Variants in ZNF782 observed in about 807,000 individuals in gnomAD.
ZNF782 encodes zinc finger protein 782.
A neutral mutation model predicts 13.0 loss-of-function variants in ZNF782; 12 were observed. The ratio of observed to expected loss-of-function variants is 0.92; its 90% CI spans 0.59 to 1.50. The LOEUF (loss-of-function observed/expected upper bound fraction) is 1.50. ZNF782 is among the 40% of genes most tolerant of loss of function. ZNF782 has a pLI of 0.00. For missense variants in ZNF782, 770 were observed against 822.9 expected (o/e 0.94, Z 0.79); for synonymous variants, 284 against 283.0 (o/e 1.00, Z -0.04).
At chr9:96,911,679 C>G in the ZNF782 span, among the ~76,000 whole-genome samples, 1 of 151,386 alleles carries the variant, frequency 6.6e-6, no homozygotes, top group Non-Finnish European at 1.5e-5. Flanking sequence ...CGCCACTACA[C>G]CCGGCTAATT....
At chr9:96,848,470 G>C (rs976862831) in intron 3 of ZNF782, among the ~76,000 whole-genome samples, 1 of 152,010 alleles carries the variant, frequency 6.6e-6, no homozygotes, top group Admixed American at 6.6e-5. Context: ...AAAGTCTCAG[G>C]GTACAAAATC....
At chr9:96,827,046 G>C in intron 5 of ZNF782, 34 bp downstream of exon 5, 2 of 1,458,636 alleles carry the variant, frequency 1.4e-6, no homozygotes, top group Non-Finnish European at 1.9e-6. Context: ...TAGTGAATCA[G>C]AGAACCTTCT....
At chr9:96,902,829 G>A in the ZNF782 span, 1 of 139,970 alleles carries the variant, frequency 7.1e-6, no homozygotes, top group Non-Finnish European at 1.5e-5. Flanking sequence ...TTTTGAAACA[G>A]GGTCTCACTG....
At chr9:96,885,240 C>G in the ZNF782 span, among the ~76,000 whole-genome samples, 2 of 151,574 alleles carry the variant, frequency 1.3e-5, 1 homozygote, top group East Asian at 3.9e-4. Flanking sequence ...CTTCAACAAG[C>G]AATTGCGATT....
At chr9:96,886,062 G>C in the ZNF782 span, among the ~76,000 whole-genome samples, 1 of 152,030 alleles carries the variant, frequency 6.6e-6, no homozygotes, top group Non-Finnish European at 1.5e-5. Flanking sequence ...TGCCCAGGCT[G>C]GTCTTGAACT....
At chr9:96,845,449 G>A (rs1177777689) in intron 3 of ZNF782, among the ~76,000 whole-genome samples, 3 of 152,168 alleles carry the variant, frequency 2.0e-5, no homozygotes, top group Admixed American at 1.3e-4. Context: ...AGTAGAGATG[G>A]GGTTTCACCA....
the ZNF782 span, among the ~76,000 whole-genome samples, chr9:96,914,207 C>T: frequency 1.3e-5 from 2 of 151,554 alleles, no homozygotes; most frequent in Admixed American, 1.3e-4. Context: ...CTGCAACCTC[C>T]GCCTCCTGGG....
chr9:96,908,110 T>C, the ZNF782 span, among the ~76,000 whole-genome samples: 2 of 151,990 alleles, frequency 1.3e-5, no homozygotes, highest in Non-Finnish European at 2.9e-5. Flanking sequence ...ACATGTTATA[T>C]TTCTCTGTTT....
At chr9:96,892,922 C>G in the ZNF782 span, 1 of 150,696 alleles carries the variant, frequency 6.6e-6, no homozygotes, top group African/African-American at 2.4e-5. Context: ...AAGTATAATT[C>G]ATGGCAGGAC....
At chr9:96,884,631 GGT>G in the ZNF782 span, among the ~76,000 whole-genome samples, 4 of 152,118 alleles carry the variant, frequency 2.6e-5, no homozygotes, top group African/African-American at 9.7e-5. Context: ...GCAACAAGGT[GGT>G]GTGAGTCAGC....
At chr9:96,907,370 A>C in the ZNF782 span, among the ~76,000 whole-genome samples, 1 of 152,008 alleles carries the variant, frequency 6.6e-6, no homozygotes, top group African/African-American at 2.4e-5. Flanking sequence ...GTTGTTGTTT[A>C]ACGGAAATCG....
chr9:96,835,071 T>C (rs1014629664), intron 4 of ZNF782, among the ~76,000 whole-genome samples: 2 of 152,194 alleles, frequency 1.3e-5, no homozygotes, highest in Non-Finnish European at 2.9e-5. Context: ...AAAAAGGCCA[T>C]CCTTTTTACA....
the ZNF782 span, chr9:96,931,967 G>A: frequency 1.2e-6 from 2 of 1,611,798 alleles, no homozygotes; most frequent in Non-Finnish European, 1.7e-6. Context: ...GATGAGGACA[G>A]AAGTGGGGCC....
At chr9:96,878,949 T>C (rs1336330873), upstream of ZNF782, among the ~76,000 whole-genome samples, 2 of 152,202 alleles carry the variant, frequency 1.3e-5, no homozygotes, top group Non-Finnish European at 2.9e-5. Context: ...AACCGATTTA[T>C]AGAAATGCTT....
chr9:96,888,313 T>C, the ZNF782 span: 1 of 152,144 alleles, frequency 6.6e-6, no homozygotes, highest in Non-Finnish European at 1.5e-5. Context: ...GGACATTACA[T>C]AATGATTTTT....
At chr9:96,839,668 C>T (rs77615289) in intron 4 of ZNF782, among the ~76,000 whole-genome samples, 1 of 152,066 alleles carries the variant, frequency 6.6e-6, no homozygotes, top group Non-Finnish European at 1.5e-5. Flanking sequence ...TCACCCCCCC[C>T]ACCTGCTAAA....
intron 5 of ZNF782, among the ~76,000 whole-genome samples, chr9:96,824,448 A>G (rs1850537291): frequency 6.6e-6 from 1 of 150,726 alleles, no homozygotes; most frequent in African/African-American, 2.4e-5. Flanking sequence ...AGCCAATATC[A>G]TACTGAATGG....
the ZNF782 span, chr9:96,888,444 G>T: frequency 1.1e-4 from 17 of 152,140 alleles, no homozygotes; most frequent in Admixed American, 3.9e-4. Flanking sequence ...ATCCACAATT[G>T]TAAGTTGGAC....
the ZNF782 span, among the ~76,000 whole-genome samples, chr9:96,886,939 C>T: frequency 7.4e-6 from 1 of 134,736 alleles, no homozygotes; most frequent in Non-Finnish European, 1.6e-5. Context: ...AAAAAAAAAA[C>T]TATAAATAAA....
Sources: gnomAD v4.1 joint callset for allele counts (sites outside exome capture counted in the v4.1 genomes callset) on GRCh38, gnomAD v4.1.1 for gene constraint, MANE v1.5 for transcripts, NCBI Gene and HGNC (gene_info 2026-07-23, HGNC 2026-07-21) for gene names.